Variants in COL6A2 observed in about 807,000 individuals in gnomAD.
The protein encoded by COL6A2 is collagen type VI alpha 2 chain, also known as collagen alpha-2(VI) chain.
COL6A2 carries 90 observed loss-of-function variants against 124.9 expected under a neutral mutation model. The ratio of observed to expected loss-of-function variants is 0.72; its 90% CI spans 0.61 to 0.86. The LOEUF is 0.86. Among genes scored for constraint, COL6A2 ranks in the 40% least tolerant of loss-of-function variants. COL6A2 has a pLI of 0.00. For missense variants in COL6A2, 1,607 were observed against 1,502.5 expected (o/e 1.07, Z -1.15); for synonymous variants, 793 against 618.2 (o/e 1.28, Z -4.19).
chr21:46,131,156 G>A (rs535839666), intron 27 of COL6A2, among the ~76,000 whole-genome samples: 6 of 152,196 alleles, frequency 3.9e-5, no homozygotes, highest in Non-Finnish European at 8.8e-5. Flanking sequence ...CCCCATCCCA[G>A]GAGCTGAGGT....
intron 1 of COL6A2, among the ~76,000 whole-genome samples, chr21:46,102,602 A>G (rs2078298848): frequency 6.6e-6 from 1 of 152,082 alleles, no homozygotes; most frequent in South Asian, 2.1e-4. Flanking sequence ...TTTTATCATG[A>G]AAGGGTATTG....
rs549437490 is a variant in COL6A2 at position 46,126,744 on chromosome 21, G to A, written c.2461+203G>A. Among the ~76,000 whole-genome samples the A allele has an allele frequency of 2.7e-3, 409 of 152,296 alleles. 4 individuals carry two copies. The highest frequency in any genetic ancestry group is 9.4e-3 in the African/African-American group (389 of 41,560). ...TTGGGGAAGGCAGGCTCCCAGGAAC[G>A]CAGGAACAGCATCACGAGGCCATGA... On this transcript the variant is annotated intron_variant, in intron 27 of 27. Coordinates refer to ENST00000300527, the MANE Select transcript of COL6A2 (RefSeq NM_001849.4).
At chr21:46,129,316 C>T (rs140060660) in intron 27 of COL6A2, 52 of 1,612,802 alleles carry the variant, frequency 3.2e-5, no homozygotes, top group African/African-American at 2.7e-5. Flanking sequence ...ACGGAGCTCA[C>T]GCAGGACCCG....
chr21:46,120,617 C>A, intron 16 of COL6A2, 40 bp downstream of exon 16: 7 of 1,438,426 alleles, frequency 4.9e-6, no homozygotes, highest in Non-Finnish European at 5.5e-6. Context: ...GGTAGGGGAT[C>A]TGAGGGGGTG....
intron 5 of COL6A2, among the ~76,000 whole-genome samples, chr21:46,114,546 T>C (rs117424052): frequency 0.034 from 5,218 of 152,276 alleles, 119 homozygotes; most frequent in East Asian, 0.11. Flanking sequence ...AAATAGTATA[T>C]TGAGAAAAGC....
chr21:46,119,146 G>A (rs1266678164), intron 14 of COL6A2, 27 bp downstream of exon 14: 3 of 1,573,178 alleles, frequency 1.9e-6, no homozygotes, highest in East Asian at 2.3e-5. Context: ...CCTGCCTCAG[G>A]GCCCCGCTCT....
chr21:46,125,786 G>T lies in COL6A2; in HGVS notation c.1971G>T (p.Gly657=). ...CGACCTCACGCGTGCGGCTTGCAGG[G>T]ACGCGTGTGGGCGTGGTGCAGTACA... is the stretch of plus-strand genomic sequence containing the variant. The part of the protein sequence containing the change: ...AIAKDPKSET[G]TRVGVVQYSH... Residue 657 remains glycine (G), a splice_region_variant and synonymous_variant, in exon 26 of 28, where the codon GGG becomes GGT. Coordinates refer to ENST00000300527, the MANE Select transcript of COL6A2 (RefSeq NM_001849.4). 14 of 1,611,364 alleles carry T rather than the reference G, an allele frequency of 8.7e-6. No homozygotes were observed. Among genetic ancestry groups the T allele is most frequent in the Non-Finnish European group, 1.1e-5 (13 of 1,178,714 alleles).
At chr21:46,123,323 C>T (rs2078597253) in intron 21 of COL6A2, among the ~76,000 whole-genome samples, 1 of 150,250 alleles carries the variant, frequency 6.7e-6, no homozygotes, top group Non-Finnish European at 1.5e-5. Flanking sequence ...AAAGATGCCT[C>T]CACATAGCAT....
At chr21:46,125,666 G>T (rs557704979) in intron 25 of COL6A2, 49 bp downstream of exon 25, 5 of 1,592,468 alleles carry the variant, frequency 3.1e-6, no homozygotes, top group South Asian at 1.1e-5. Flanking sequence ...CGGGCGGGGC[G>T]TGGGAGGCGA....
In COL6A2 at chr21:46,117,913, G is replaced by A; in HGVS notation, c.1093G>A (p.Glu365Lys). The stretch of plus-strand genomic sequence containing the variant: ...CCCGGGGGAAGCAGGGAGTCCAGGG[G>A]AGCGAGGAGACCAAGGCGGCAAGGT... ...GYPGEAGSPGERGDQGGKGDP... is the reference protein window; with the variant it reads ...GYPGEAGSPGKRGDQGGKGDP... Residue 365 changes from glutamate to lysine, a missense_variant, in exon 12 of 28, where the codon GAG (glutamate) becomes AAG (lysine). Transcript: ENST00000300527. 1 of 1,612,946 alleles carries A rather than the reference G, an allele frequency of 6.2e-7. No individual in the cohort carries two copies. The highest frequency in any genetic ancestry group is 8.5e-7 in the Non-Finnish European group (1 of 1,179,832).
chr21:46,128,638 G>A (rs1303307085), intron 27 of COL6A2, among the ~76,000 whole-genome samples: 3 of 152,226 alleles, frequency 2.0e-5, no homozygotes, highest in East Asian at 1.9e-4. Flanking sequence ...AGGGCAGGGC[G>A]CAATCAGCGA....
chr21:46,126,461 G>C (rs115841845), intron 26 of COL6A2, 42 bp from the exon 27 acceptor site: 1 of 1,603,116 alleles, frequency 6.2e-7, no homozygotes, highest in East Asian at 2.2e-5. Context: ...GGTTCGCTAG[G>C]GACTGACCCT....
Position 46,116,934 on chromosome 21 carries a change from C to T in COL6A2, c.999+120C>T, listed in dbSNP as rs1601227341. On this transcript the variant is annotated intron_variant, in intron 10 of 27. Coordinates refer to ENST00000300527, the MANE Select transcript of COL6A2 (RefSeq NM_001849.4). The surrounding 1 kb of genome is among the most constrained non-coding windows in gnomAD (Gnocchi z 4.6). ...ACATGTGTACACACGCATACACACA[C>T]ACACACACACACACACACACACGAA... 2 of 787,662 alleles carry T rather than the reference C, an allele frequency of 2.5e-6. No homozygotes were observed. The highest frequency in any genetic ancestry group is 2.0e-5 in the African/African-American group (1 of 50,762). The allele number at this position is 787,662 out of a possible 1,614,324, so 48.8% of individuals were successfully genotyped here.
chr21:46,123,021 C>G (rs553321928), intron 21 of COL6A2, 84 bp downstream of exon 21: 12 of 1,313,172 alleles, frequency 9.1e-6, no homozygotes, highest in Non-Finnish European at 1.2e-5. Flanking sequence ...TCTATGAGTA[C>G]AGGAGAACGC....
Position 46,111,574 on chromosome 21 carries a change from G to C in COL6A2, c.98G>C (p.Arg33Thr). ...QEVISPDTTE[R>T]NNNCPEKTDC... ...GTCATCTCGCCGGACACTACCGAGA[G>C]AAACAACAACTGCCCAGGTGCCAGG... The change falls in exon 2 of 28, where the codon AGA becomes ACA. Residue 33 changes from arginine (R) to threonine (T), a missense_variant. Physicochemically the swap from Arg to Thr is moderately conservative, Grantham distance 71. Around this residue, in one of 3 missense-constraint regions of COL6A2, gnomAD observed 342 missense variants for 381.5 expected, o/e 0.90. Transcript: ENST00000300527. 6.2e-7 allele frequency: 1 copy of C among 1,612,716 alleles called. No individual in the cohort carries two copies. Among genetic ancestry groups the C allele is most frequent in the Non-Finnish European group, 8.5e-7 (1 of 1,179,844 alleles).
In COL6A2 at chr21:46,126,500, C is replaced by T. The variant is rs1461095453; in HGVS notation, c.2423-3C>T. ...CTGGCCCGGCCTCTCTCCTCTCTTC[C>T]AGACCCTCAGATCGTGTGCCCAGAC... is the stretch of plus-strand genomic sequence containing the variant. On this transcript the variant is annotated splice_polypyrimidine_tract_variant and splice_region_variant and intron_variant, in intron 26 of 27. Transcript: ENST00000300527. 1.2e-6 allele frequency: 2 copies of T among 1,613,342 alleles called. No individual in the cohort carries two copies. The highest frequency in any genetic ancestry group is 3.3e-5 in the Admixed American group (2 of 60,020).
chr21:46,110,407 CTT>C (rs1568924081), intron 1 of COL6A2, among the ~76,000 whole-genome samples: 2 of 152,134 alleles, frequency 1.3e-5, no homozygotes, highest in Non-Finnish European at 2.9e-5. Flanking sequence ...AAAAGTTTAT[CTT>C]TTTATGTTCT....
intron 17 of COL6A2, 105 bp downstream of exon 17, chr21:46,121,228 A>G: frequency 8.8e-7 from 1 of 1,141,628 alleles, no homozygotes; most frequent in East Asian, 2.4e-5. Context: ...TAGCAAACCC[A>G]GGCAGCAGAG....
intron 27 of COL6A2, among the ~76,000 whole-genome samples, chr21:46,127,077 T>TG (rs1346701563): frequency 1.3e-5 from 2 of 151,898 alleles, no homozygotes; most frequent in African/African-American, 2.4e-5. Context: ...AAGCTGGAGC[T>TG]GGGGGTGCCG....
Sources: allele counts gnomAD v4.1 joint callset (sites outside exome capture counted in the v4.1 genomes callset), GRCh38; gene constraint gnomAD v4.1.1; regional missense constraint gnomAD v4.1.1; non-coding constraint Gnocchi (gnomAD v3.1); transcripts MANE v1.5; gene names NCBI Gene and HGNC (gene_info 2026-07-23, HGNC 2026-07-21).